The following KIAA1217 variants were observed in gnomAD, a reference collection of about 807,000 sequenced individuals.
The protein encoded by KIAA1217 is KIAA1217.
In KIAA1217, 88 loss-of-function variants were observed where a neutral mutation model predicts 163.9. The observed-to-expected ratio is 0.54, with a 90% CI of 0.45 to 0.64. KIAA1217 has a LOEUF of 0.64. Among genes scored for constraint, KIAA1217 ranks in the 30% least tolerant of loss-of-function variants. The pLI is 0.00. For missense variants in KIAA1217, 2,372 were observed against 2,475.0 expected, an observed-to-expected ratio of 0.96 and a Z score of 0.88; for synonymous variants, 903 against 923.1, an observed-to-expected ratio of 0.98 and a Z score of 0.39.
At chr10:24,432,596 C>G (rs1175213434) in intron 3 of KIAA1217, among the ~76,000 whole-genome samples, 1 of 151,366 alleles carries the variant, frequency 6.6e-6, no homozygotes, top group Non-Finnish European at 1.5e-5. Context: ...GCTGAGACTA[C>G]AGTCATGTGC....
At chr10:24,303,527 C>T (rs1409584730) in intron 2 of KIAA1217, among the ~76,000 whole-genome samples, 1 of 152,122 alleles carries the variant, frequency 6.6e-6, no homozygotes, top group Non-Finnish European at 1.5e-5. Context: ...CTGGGAAGGA[C>T]TGTAAAGAAA....
chr10:24,311,384 T>G (rs2042677582), intron 2 of KIAA1217, among the ~76,000 whole-genome samples: 1 of 152,196 alleles, frequency 6.6e-6, no homozygotes, highest in South Asian at 2.1e-4. Context: ...GTCTCTGAGC[T>G]GCACACATTG....
intron 3 of KIAA1217, among the ~76,000 whole-genome samples, chr10:24,394,588 A>G (rs1354232854): frequency 1.3e-5 from 2 of 152,224 alleles, no homozygotes; most frequent in East Asian, 1.9e-4. Context: ...CAGTATAACT[A>G]AAGACACATG....
intron 2 of KIAA1217, among the ~76,000 whole-genome samples, chr10:24,050,905 A>G (rs2131581461): frequency 6.6e-6 from 1 of 151,998 alleles, no homozygotes; most frequent in South Asian, 2.1e-4. Context: ...TCAAATGTCC[A>G]CTTCTTAACA....
intron 2 of KIAA1217, among the ~76,000 whole-genome samples, chr10:24,312,908 C>A (rs1015783698): frequency 3.2e-4 from 48 of 152,228 alleles, no homozygotes; most frequent in Non-Finnish European, 4.6e-4. Flanking sequence ...AGCGCACATC[C>A]TTGTCTCAAA....
At chr10:24,326,799 C>T (rs1433603071) in intron 2 of KIAA1217, among the ~76,000 whole-genome samples, 1 of 151,888 alleles carries the variant, frequency 6.6e-6, no homozygotes, top group African/African-American at 2.4e-5. Flanking sequence ...ATACTGACCC[C>T]CAAAACCCTT....
At chr10:23,917,805 C>T (rs2131283807) in intron 1 of KIAA1217, among the ~76,000 whole-genome samples, 1 of 152,310 alleles carries the variant, frequency 6.6e-6, no homozygotes, top group African/African-American at 2.4e-5. Context: ...TGAGAAACCA[C>T]TCTCAATGCC....
intron 2 of KIAA1217, among the ~76,000 whole-genome samples, chr10:24,106,768 TA>T (rs1469744907): frequency 6.6e-6 from 1 of 152,194 alleles, no homozygotes; most frequent in Non-Finnish European, 1.5e-5. Flanking sequence ...TTTTTCTGCC[TA>T]AATATAAAAG....
intron 2 of KIAA1217, among the ~76,000 whole-genome samples, chr10:24,188,641 G>A (rs958449772): frequency 2.0e-5 from 3 of 152,172 alleles, no homozygotes; most frequent in Non-Finnish European, 4.4e-5. Flanking sequence ...TCTTCTGTAG[G>A]GAAAGAAAGA....
chr10:24,235,793 C>T (rs532418978), intron 2 of KIAA1217, among the ~76,000 whole-genome samples: 1 of 152,264 alleles, frequency 6.6e-6, no homozygotes, highest in Non-Finnish European at 1.5e-5. Flanking sequence ...CTCCGTATCT[C>T]GGAGGATCTG....
intron 2 of KIAA1217, among the ~76,000 whole-genome samples, chr10:24,116,214 C>T (rs1038493362): frequency 7.9e-5 from 12 of 152,032 alleles, no homozygotes; most frequent in African/African-American, 2.4e-4. Context: ...AGTGGTAGGA[C>T]ATTGAGTGAT....
chr10:24,177,287 ATATATATATATT>A lies in KIAA1217; in HGVS notation c.-170-42338_-170-42327del, dbSNP rs200476775. On this transcript the variant is annotated intron_variant, in intron 2 of 18. Coordinates refer to the KIAA1217 transcript ENST00000376462. ...TATATATATATATATATATATATATATATATATATATTACAATTTCTTTGTCATATATATCAC... is the reference window on the plus strand; with the variant it reads ...TATATATATATATATATATATATATAACAATTTCTTTGTCATATATATCAC... Among the ~76,000 whole-genome samples the A allele has an allele frequency of 5.4e-3, 616 of 114,336 alleles. 37 individuals carry two copies. The highest frequency in any genetic ancestry group is 0.017 in the African/African-American group (528 of 31,870). The allele number at this position is 114,336 out of a possible 152,430, so 75.0% of individuals were successfully genotyped here.
intron 1 of KIAA1217, among the ~76,000 whole-genome samples, chr10:23,736,327 T>C (rs1206429037): frequency 6.6e-6 from 1 of 152,212 alleles, no homozygotes; most frequent in Non-Finnish European, 1.5e-5. Flanking sequence ...ATTTTTCCTA[T>C]ATGGACAACC....
intron 1 of KIAA1217, among the ~76,000 whole-genome samples, chr10:23,797,268 C>T (rs546811294): frequency 6.6e-6 from 1 of 152,224 alleles, no homozygotes; most frequent in East Asian, 1.9e-4. Flanking sequence ...GCTTATTGAA[C>T]ACTCATGACT....
In KIAA1217 at chr10:24,388,373, T is replaced by C. The variant is rs571788511; in HGVS notation, c.553+7306T>C. On this transcript the variant is annotated intron_variant, in intron 3 of 20. Coordinates refer to ENST00000376454, the MANE Select transcript of KIAA1217 (RefSeq NM_019590.5). ...CTAGCCATATGTGGAAAGCTGAAAC[T>C]GGATCCCTTCCTTACAGCTTATACA... 3.7e-4 allele frequency among the ~76,000 whole-genome samples: 56 copies of C among 152,316 alleles called. No homozygotes were observed. The East Asian group carries it at 9.3e-3, about 25-fold the overall frequency.
intron 2 of KIAA1217, among the ~76,000 whole-genome samples, chr10:24,102,357 G>A (rs2062449826): frequency 6.6e-6 from 1 of 151,984 alleles, no homozygotes; most frequent in South Asian, 2.1e-4. Context: ...TCTATATGAA[G>A]AAAACTCAAA....
chr10:24,052,036 G>A (rs1471958686), intron 2 of KIAA1217, among the ~76,000 whole-genome samples: 1 of 151,884 alleles, frequency 6.6e-6, no homozygotes, highest in Non-Finnish European at 1.5e-5. Context: ...TAAGCCAATT[G>A]GCATGGCTTC....
At chr10:23,883,929 A>C (rs1377045152) in intron 1 of KIAA1217, among the ~76,000 whole-genome samples, 1 of 151,912 alleles carries the variant, frequency 6.6e-6, no homozygotes, top group Admixed American at 6.6e-5. Context: ...TTTCCTCCGC[A>C]TATTTTCATG....
At chr10:24,090,700 GA>G (rs2061907748) in intron 2 of KIAA1217, among the ~76,000 whole-genome samples, 1 of 151,716 alleles carries the variant, frequency 6.6e-6, no homozygotes, top group Non-Finnish European at 1.5e-5. Context: ...GTCTGCAAAT[GA>G]GTCAAAATCA....
Sources: allele counts gnomAD v4.1 joint callset (sites outside exome capture counted in the v4.1 genomes callset), GRCh38; gene constraint gnomAD v4.1.1; transcripts MANE v1.5; gene names NCBI Gene and HGNC (gene_info 2026-07-23, HGNC 2026-07-21).